Variants in CBFB observed in about 807,000 individuals in gnomAD.
CBFB encodes the protein CBF-beta.
In CBFB, 9 loss-of-function variants were observed where a neutral mutation model predicts 30.4. That is an observed-to-expected ratio of 0.30 (90% CI 0.18 to 0.52). The LOEUF (loss-of-function observed/expected upper bound fraction) is 0.52, where lower values mean the gene tolerates loss of function less well. Ranked by LOEUF, CBFB falls within the 20% of genes least tolerant of loss-of-function variation. CBFB has a pLI of 0.97. For synonymous variants in CBFB, 94 were observed against 84.0 expected, an observed-to-expected ratio of 1.12 and a Z score of -0.65; for missense variants, 170 against 244.0, an observed-to-expected ratio of 0.70 and a Z score of 2.02.
At chr16:67,037,880 A>G (rs1306984007) in intron 3 of CBFB, among the ~76,000 whole-genome samples, 1 of 151,950 alleles carries the variant, frequency 6.6e-6, no homozygotes, top group Non-Finnish European at 1.5e-5. Flanking sequence ...CATATTGGTC[A>G]GGCTGGTCTT....
chr16:67,049,364 C>T (rs540337243), intron 3 of CBFB, among the ~76,000 whole-genome samples: 8 of 151,948 alleles, frequency 5.3e-5, no homozygotes, highest in East Asian at 2.0e-4. Context: ...CCACCACACC[C>T]GGCTGATTTT....
At chr16:67,072,903 A>G (rs988008049) in intron 4 of CBFB, among the ~76,000 whole-genome samples, 1 of 151,508 alleles carries the variant, frequency 6.6e-6, no homozygotes, top group Non-Finnish European at 1.5e-5. Context: ...TGTAGAGATG[A>G]GGTCTTACCA....
Position 67,059,770 on chromosome 16 carries a change from T to TG in CBFB, c.283-6907dup, listed in dbSNP as rs530739896. ...GTCCCTTCTTTTCCCCTGCTTACTC[T>TG]GGGGGTCTCTTCCTTTCCTCTGGAT... is the stretch of plus-strand genomic sequence containing the variant. On this transcript the variant is annotated intron_variant, in intron 3 of 5. Transcript: ENST00000412916. Among the ~76,000 whole-genome samples the TG allele has an allele frequency of 4.0e-4, 61 of 152,146 alleles. 2 individuals carry two copies. The South Asian group carries it at 0.013, about 32-fold the overall frequency.
intron 4 of CBFB, 21 bp from the exon 5 acceptor site, chr16:67,082,192 G>GT (rs745402305): frequency 6.7e-7 from 1 of 1,484,418 alleles, no homozygotes; most frequent in Non-Finnish European, 9.1e-7. Flanking sequence ...ATTAAAATAG[G>GT]TATTTCATGT....
At position 67,029,721 on chromosome 16, in the gene CBFB, T is replaced by C; in HGVS notation, c.79-6T>C. 6.3e-7 allele frequency: 1 copy of C among 1,586,090 alleles called. No homozygotes were observed. Among genetic ancestry groups the C allele is most frequent in the Non-Finnish European group, 8.6e-7 (1 of 1,167,670 alleles). ...GCTCCTGATTTCGGGCCGTCTTGCC[T>C]TGCAGATTAAGTACACGGGCTTCAG... On this transcript the variant is annotated splice_polypyrimidine_tract_variant and splice_region_variant and intron_variant, in intron 1 of 5. Transcript: ENST00000412916.
intron 5 of CBFB, among the ~76,000 whole-genome samples, chr16:67,085,641 T>G (rs532934272): frequency 2.0e-5 from 3 of 149,908 alleles, no homozygotes; most frequent in Non-Finnish European, 3.0e-5. Flanking sequence ...ATTACAGATG[T>G]GAACCACTGC....
At chr16:67,040,172 A>G (rs911142204) in intron 3 of CBFB, among the ~76,000 whole-genome samples, 1 of 152,172 alleles carries the variant, frequency 6.6e-6, no homozygotes, top group Non-Finnish European at 1.5e-5. Context: ...TTTTATTATA[A>G]CCATTAGGTT....
At chr16:67,058,694 G>A (rs916184583) in intron 3 of CBFB, among the ~76,000 whole-genome samples, 13 of 152,166 alleles carry the variant, frequency 8.5e-5, no homozygotes, top group African/African-American at 2.9e-4. Context: ...GATTCTAGCT[G>A]TTTTCTGTTC....
chr16:67,055,357 C>CTTTCTTTTTTTTTTTTTTTT (rs1484285498), intron 3 of CBFB, among the ~76,000 whole-genome samples: 10 of 81,466 alleles, frequency 1.2e-4, no homozygotes, highest in African/African-American at 5.4e-4. Context: ...CAGACACTTT[C>CTTTCTTTTTTTTTTTTTTTT]TTTTTTTTTT....
At chr16:67,090,000 T>C (rs1014358450) in intron 5 of CBFB, among the ~76,000 whole-genome samples, 4 of 152,206 alleles carry the variant, frequency 2.6e-5, no homozygotes, top group Non-Finnish European at 5.9e-5. Context: ...ACTATGAAAG[T>C]CGAAGATACT....
chr16:67,093,803 A>G (rs1006863722), intron 5 of CBFB, among the ~76,000 whole-genome samples: 2 of 152,158 alleles, frequency 1.3e-5, no homozygotes, highest in Non-Finnish European at 2.9e-5. Flanking sequence ...AGAAATTACA[A>G]ACTTTGTGCT....
chr16:67,055,604 C>A (rs183171583), intron 3 of CBFB, among the ~76,000 whole-genome samples: 1 of 151,968 alleles, frequency 6.6e-6, no homozygotes, highest in East Asian at 1.9e-4. Context: ...GATCCATCTG[C>A]CTCGGCCTCC....
intron 5 of CBFB, among the ~76,000 whole-genome samples, chr16:67,085,508 G>T (rs12935133): frequency 8.7e-5 from 7 of 80,000 alleles, no homozygotes; most frequent in Admixed American, 1.5e-4. Context: ...GGGTGGGGGT[G>T]GGGGGAGATG....
intron 4 of CBFB, among the ~76,000 whole-genome samples, chr16:67,077,775 A>G (rs1053113739): frequency 2.6e-5 from 4 of 152,270 alleles, no homozygotes; most frequent in Non-Finnish European, 4.4e-5. Flanking sequence ...GATTTAGACA[A>G]TAAATAAAGA....
At chr16:67,057,130 C>G (rs1960752535) in intron 3 of CBFB, among the ~76,000 whole-genome samples, 1 of 149,018 alleles carries the variant, frequency 6.7e-6, no homozygotes, top group African/African-American at 2.5e-5. Context: ...TTACAGGCAC[C>G]TGCCACCATG....
intron 2 of CBFB, among the ~76,000 whole-genome samples, chr16:67,032,380 A>T (rs2145706854): frequency 6.6e-6 from 1 of 152,316 alleles, no homozygotes. Flanking sequence ...AATTTCTGAG[A>T]AGTATTAAAG....
intron 5 of CBFB, among the ~76,000 whole-genome samples, chr16:67,087,416 C>T (rs188316148): frequency 4.5e-4 from 69 of 151,748 alleles, no homozygotes; most frequent in Non-Finnish European, 6.2e-4. Flanking sequence ...ACTAGCTAGG[C>T]ATGGTAGCAT....
chr16:67,029,517 G>A (rs1489334477), intron 1 of CBFB, 32 bp downstream of exon 1: 5 of 1,562,938 alleles, frequency 3.2e-6, no homozygotes, highest in East Asian at 2.4e-5. Flanking sequence ...CTAGGAGGCC[G>A]CAGCGCGCCC....
Position 67,029,338 on chromosome 16 carries a change from G to C in CBFB, c.-70G>C. 8.5e-7 allele frequency: 1 copy of C among 1,172,132 alleles called. No homozygotes were observed. Among genetic ancestry groups the C allele is most frequent in the Non-Finnish European group, 1.1e-6 (1 of 888,706 alleles). The allele number at this position is 1,172,132 out of a possible 1,614,324, so 72.6% of individuals were successfully genotyped here. ...GCGGGTGGGCGGTCAGTCGGTCAGCGCGGAGCCAGCCAGCGGGTGCCCGCG... is the reference window on the plus strand; with the variant it reads ...GCGGGTGGGCGGTCAGTCGGTCAGCCCGGAGCCAGCCAGCGGGTGCCCGCG... On this transcript the variant is annotated 5_prime_UTR_variant, in exon 1 of 6. Coordinates refer to ENST00000412916, the MANE Select transcript of CBFB (RefSeq NM_022845.3).
Sources: allele counts gnomAD v4.1 joint callset (sites outside exome capture counted in the v4.1 genomes callset), GRCh38; gene constraint gnomAD v4.1.1; transcripts MANE v1.5; gene names NCBI Gene and HGNC (gene_info 2026-07-23, HGNC 2026-07-21).